The following PCDHGA4 variants were observed in gnomAD, a reference collection of about 807,000 sequenced individuals.
PCDHGA4 encodes the protein protocadherin gamma-A4.
In PCDHGA4, 38 loss-of-function variants were observed where a neutral mutation model predicts 54.6. The ratio of observed to expected loss-of-function variants is 0.70; its 90% CI spans 0.54 to 0.91. The LOEUF is 0.91. Among genes scored for constraint, PCDHGA4 ranks in the 40% least tolerant of loss-of-function variants. The pLI, the probability that PCDHGA4 is intolerant of heterozygous loss-of-function variation, is 0.00. For missense variants in PCDHGA4, 1,298 were observed against 1,220.9 expected, an observed-to-expected ratio of 1.06 and a Z score of -0.94; for synonymous variants, 511 against 512.9, an observed-to-expected ratio of 1.00 and a Z score of 0.05.
chr5:141,501,701 G>A (rs747266621), intron 2 of PCDHGA4, among the ~76,000 whole-genome samples: 3 of 151,984 alleles, frequency 2.0e-5, no homozygotes, highest in East Asian at 1.9e-4. Flanking sequence ...GGGTGATTCC[G>A]AGGATAAAAA....
At chr5:141,364,134 A>G (rs1204922950) in intron 1 of PCDHGA4, 1 of 488,948 alleles carries the variant, frequency 2.0e-6, no homozygotes, top group African/African-American at 2.0e-5. Flanking sequence ...GCTGTTGACC[A>G]AAGTGGGAAA....
chr5:141,432,521 G>A lies in PCDHGA4; in HGVS notation c.2515-62286G>A. The stretch of plus-strand genomic sequence containing the variant: ...CCGCTCCGCAGAGCCCGGCTACCTG[G>A]TGACCAAGGTGGTGGCGGTGGACAG... On this transcript the variant is annotated intron_variant, in intron 1 of 3. Coordinates refer to ENST00000571252, the MANE Select transcript of PCDHGA4 (RefSeq NM_018917.4). The surrounding 1 kb of genome is among the most constrained non-coding windows in gnomAD (Gnocchi z 6.0). The A allele has an allele frequency of 6.2e-7, 1 of 1,614,112 alleles. No homozygotes were observed. Among genetic ancestry groups the A allele is most frequent in the Non-Finnish European group, 8.5e-7 (1 of 1,180,028 alleles).
chr5:141,423,574 C>T (rs953989787), intron 1 of PCDHGA4: 2 of 1,613,328 alleles, frequency 1.2e-6, no homozygotes, highest in Non-Finnish European at 1.7e-6. Flanking sequence ...GCTCATCAGC[C>T]AGGAGAGCTG....
At chr5:141,371,046 G>A (rs748244003) in intron 1 of PCDHGA4, 1 of 1,613,962 alleles carries the variant, frequency 6.2e-7, no homozygotes, top group South Asian at 1.1e-5. Context: ...TGTGGATGGG[G>A]GCGAGCCCTC....
chr5:141,421,379 A>G, intron 1 of PCDHGA4: 1 of 1,614,054 alleles, frequency 6.2e-7, no homozygotes, highest in Non-Finnish European at 8.5e-7. Flanking sequence ...AATATCTCCA[A>G]GGACCTGGGG....
chr5:141,375,706 T>A lies in PCDHGA4; in HGVS notation c.2514+18085T>A, dbSNP rs1771783904. 12 of 1,614,114 alleles carry A rather than the reference T, an allele frequency of 7.4e-6. No individual in the cohort carries two copies. The East Asian group carries it at 2.2e-4, about 30-fold the overall frequency. On this transcript the variant is annotated intron_variant, in intron 1 of 3. Coordinates refer to ENST00000571252, the MANE Select transcript of PCDHGA4 (RefSeq NM_018917.4). ...CAGCCAGCGACAGCGGGGACCCGCCTCTTAGCAGCAACGTGTCACTGAGCC... is the reference window on the plus strand; with the variant it reads ...CAGCCAGCGACAGCGGGGACCCGCCACTTAGCAGCAACGTGTCACTGAGCC...
chr5:141,383,157 T>A, intron 1 of PCDHGA4: 1 of 1,614,076 alleles, frequency 6.2e-7, no homozygotes, highest in Non-Finnish European at 8.5e-7. Context: ...GCTTGGTCAC[T>A]GCGGGCAGGA....
rs553276457 is a variant in PCDHGA4 at position 141,480,179 on chromosome 5, G to A, written c.2515-14628G>A. Among the ~76,000 whole-genome samples, 10 of 152,058 alleles carry A rather than the reference G, an allele frequency of 6.6e-5. No individual in the cohort carries two copies. In the South Asian group the frequency reaches 8.3e-4, roughly 13 times the overall value. On this transcript the variant is annotated intron_variant, in intron 1 of 3. Transcript: ENST00000571252. ...AGCATTTTGGGAGGCTGAGGCAGGC[G>A]GATTGCTTGAGGCCAGCAGTTCAAG... is the stretch of plus-strand genomic sequence containing the variant.
At chr5:141,370,852 C>T (rs558873325) in intron 1 of PCDHGA4, 5 of 1,614,018 alleles carry the variant, frequency 3.1e-6, no homozygotes, top group Non-Finnish European at 4.2e-6. Flanking sequence ...GCCACATTTG[C>T]CCTGGAATCT....
intron 1 of PCDHGA4, chr5:141,404,334 T>TC: frequency 6.2e-7 from 1 of 1,613,882 alleles, no homozygotes; most frequent in Non-Finnish European, 8.5e-7. Context: ...TCAGTCTACC[T>TC]CCCGGAAAAC....
chr5:141,418,324 G>A, intron 1 of PCDHGA4: 2 of 1,614,006 alleles, frequency 1.2e-6, no homozygotes, highest in Non-Finnish European at 1.7e-6. Context: ...CAATTCTTGA[G>A]TCTGCAGAAG....
intron 1 of PCDHGA4, chr5:141,389,228 G>A (rs1172706843): frequency 2.5e-6 from 4 of 1,614,024 alleles, no homozygotes; most frequent in African/African-American, 2.7e-5. Context: ...ACAACGCTCC[G>A]GTTTTCTCAC....
In PCDHGA4 at chr5:141,389,510, G is replaced by A. The variant is rs527483186; in HGVS notation, c.2514+31889G>A. The A allele has an allele frequency of 5.0e-6, 8 of 1,613,140 alleles. No individual in the cohort carries two copies. In the African/African-American group the frequency reaches 6.7e-5, roughly 13 times the overall value. ...ACCAGGGCTCGCCAGCGCTCAGCGC[G>A]AACGTGAGCCTGCGCGTGTTAGTGG... On this transcript the variant is annotated intron_variant, in intron 1 of 3. Transcript: ENST00000571252.
intron 1 of PCDHGA4, chr5:141,392,699 T>C: frequency 2.4e-6 from 3 of 1,248,768 alleles, no homozygotes; most frequent in South Asian, 3.3e-5. Context: ...CGACCCCTGT[T>C]TGGAGGCACT....
chr5:141,362,467 C>T (rs771966305), intron 1 of PCDHGA4: 58 of 1,614,052 alleles, frequency 3.6e-5, no homozygotes, highest in Middle Eastern at 1.6e-4. Context: ...GGTTCCCGCG[C>T]AAGATCTCGT....
chr5:141,481,362 A>G (rs2099536613), intron 1 of PCDHGA4, among the ~76,000 whole-genome samples: 1 of 152,252 alleles, frequency 6.6e-6, no homozygotes, highest in African/African-American at 2.4e-5. Context: ...CAGCTGTTCA[A>G]TAGATATTGG....
At chr5:141,447,834 C>T (rs2098552835) in intron 1 of PCDHGA4, among the ~76,000 whole-genome samples, 1 of 151,844 alleles carries the variant, frequency 6.6e-6, no homozygotes, top group African/African-American at 2.4e-5. Flanking sequence ...GCCTGTAATC[C>T]CAGTGCTTTG....
chr5:141,411,868 A>AG (rs1463496640), intron 1 of PCDHGA4: 1 of 152,224 alleles, frequency 6.6e-6, no homozygotes, highest in East Asian at 1.9e-4. Flanking sequence ...TCAAAAAAAA[A>AG]AGACATTTCT....
At chr5:141,389,766 C>G in intron 1 of PCDHGA4, 1 of 1,613,060 alleles carries the variant, frequency 6.2e-7, no homozygotes, top group Non-Finnish European at 8.5e-7. Flanking sequence ...GCGCACAGCG[C>G]GTGCCTTAGG....
Sources: allele counts gnomAD v4.1 joint callset (sites outside exome capture counted in the v4.1 genomes callset), GRCh38; gene constraint gnomAD v4.1.1; non-coding constraint Gnocchi (gnomAD v3.1); transcripts MANE v1.5; gene names NCBI Gene and HGNC (gene_info 2026-07-23, HGNC 2026-07-21).